The following AHDC1 variants were observed in gnomAD, a reference collection of about 807,000 sequenced individuals.
AHDC1 encodes AT-hook DNA binding motif containing 1, also known as transcription factor Gibbin.
AHDC1 carries 7 observed loss-of-function variants against 87.9 expected under a neutral mutation model. The ratio of observed to expected loss-of-function variants is 0.08; its 90% CI spans 0.05 to 0.15. AHDC1 has a LOEUF of 0.15. Among genes scored for constraint, AHDC1 ranks in the 10% least tolerant of loss-of-function variants. The pLI is 1.00. For synonymous variants in AHDC1, 1,051 were observed against 1,006.8 expected (o/e 1.04, Z -0.83); for missense variants, 1,841 against 2,253.2 (o/e 0.82, Z 3.70).
At chr1:27,597,759 TTCTCCCTCCC>T (rs977133730) in intron 3 of AHDC1, among the ~76,000 whole-genome samples, 2 of 152,032 alleles carry the variant, frequency 1.3e-5, no homozygotes, top group Non-Finnish European at 2.9e-5. Context: ...GCCTGCAGTC[TTCTCCCTCCC>T]TCTCCCTCCC....
intron 3 of AHDC1, among the ~76,000 whole-genome samples, chr1:27,587,320 T>C (rs2089087018): frequency 6.6e-6 from 1 of 152,212 alleles, no homozygotes; most frequent in Non-Finnish European, 1.5e-5. Context: ...CTCAGTTCCA[T>C]GCTGCCCTCT....
At chr1:27,566,452 G>T (rs116486332) in intron 3 of AHDC1, among the ~76,000 whole-genome samples, 2 of 151,988 alleles carry the variant, frequency 1.3e-5, no homozygotes, top group East Asian at 1.9e-4. Flanking sequence ...ACACGCACAG[G>T]GGGGAAGAGA....
In AHDC1 at chr1:27,551,001, C is replaced by G. The variant is rs766911404; in HGVS notation, c.1115G>C (p.Gly372Ala). ...GGGGTGACCCTCAGGCCCGGGGGGG[C>G]CGTGCGGTGAGCACAAGTCCAGGCG... ...PLRLDLCSPH[G>A]PPGPEGHPKY... The change falls in exon 8 of 9, where the codon GGC becomes GCC. Residue 372 changes from glycine (G) to alanine (A), a missense_variant. Physicochemically the swap from Gly to Ala is moderately conservative, Grantham distance 60. Transcript: ENST00000673934. The G allele has an allele frequency of 6.4e-6, 10 of 1,572,670 alleles. No individual in the cohort carries two copies. The highest frequency in any genetic ancestry group is 1.8e-5 in the Admixed American group (1 of 55,214).
At chr1:27,574,056 C>T (rs946674431) in intron 3 of AHDC1, among the ~76,000 whole-genome samples, 3 of 152,120 alleles carry the variant, frequency 2.0e-5, no homozygotes, top group African/African-American at 7.2e-5. Flanking sequence ...GGAGGAACCC[C>T]GAGGCATCTG....
intron 8 of AHDC1, among the ~76,000 whole-genome samples, chr1:27,542,936 G>A (rs1469760406): frequency 6.6e-6 from 1 of 152,222 alleles, no homozygotes; most frequent in South Asian, 2.1e-4. Context: ...GCCCAGAAGA[G>A]TCAGGGCAGG....
intron 3 of AHDC1, among the ~76,000 whole-genome samples, chr1:27,597,211 G>A (rs758925165): frequency 1.3e-5 from 2 of 152,164 alleles, no homozygotes; most frequent in Non-Finnish European, 2.9e-5. Flanking sequence ...TATGTAGGAG[G>A]GTGTCCCATG....
intron 3 of AHDC1, among the ~76,000 whole-genome samples, chr1:27,597,488 AAG>A (rs2089410038): frequency 6.6e-6 from 1 of 152,120 alleles, no homozygotes; most frequent in African/African-American, 2.4e-5. Context: ...TTCCCAAGAC[AAG>A]AGAGGTGCAC....
At chr1:27,585,959 C>T (rs2089043122) in intron 3 of AHDC1, among the ~76,000 whole-genome samples, 1 of 152,206 alleles carries the variant, frequency 6.6e-6, no homozygotes, top group Admixed American at 6.5e-5. Context: ...TAATGAATAA[C>T]TGAAATCATA....
chr1:27,583,485 CG>C (rs2088965772), intron 3 of AHDC1, among the ~76,000 whole-genome samples: 1 of 152,166 alleles, frequency 6.6e-6, no homozygotes, highest in African/African-American at 2.4e-5. Context: ...AAAACCCACT[CG>C]GGGAGTGTAT....
Position 27,558,620 on chromosome 1 carries a change from C to T in AHDC1, c.-451+86G>A. On this transcript the variant is annotated intron_variant, in intron 4 of 8. Coordinates refer to ENST00000673934, the MANE Select transcript of AHDC1 (RefSeq NM_001371928.1). This position sits in a 1 kb window ranked among gnomAD's most constrained non-coding sequence, Gnocchi z 5.6. ...TTTGACCTAAGCTGGGAGGGGATCCCTGTTGGGACTGGGAGGCAAGTTCCC... is the reference window on the plus strand; with the variant it reads ...TTTGACCTAAGCTGGGAGGGGATCCTTGTTGGGACTGGGAGGCAAGTTCCC... 1 of 397,946 alleles carries T rather than the reference C, an allele frequency of 2.5e-6. No homozygotes were observed. Among genetic ancestry groups the T allele is most frequent in the Non-Finnish European group, 4.4e-6 (1 of 225,988 alleles). The allele number at this position is 397,946 out of a possible 1,614,324, so 24.7% of individuals were successfully genotyped here.
In AHDC1 at chr1:27,550,236, T is replaced by C; in HGVS notation, c.1880A>G (p.Gln627Arg). ...GGGCGGTGAGCACCGTCCAGCGCACTGGCTCTGGCGGTTCAGGAAGGCCAG... is the reference window on the plus strand; with the variant it reads ...GGGCGGTGAGCACCGTCCAGCGCACCGGCTCTGGCGGTTCAGGAAGGCCAG... ...AKLAFLNRQS[Q>R]CAGRCSPPRC... The change falls in exon 8 of 9, where the codon CAG (glutamine) becomes CGG (arginine). Residue 627 changes from glutamine to arginine, a missense_variant. By Grantham distance (43) the Gln-to-Arg change is conservative (BLOSUM62 1). Coordinates refer to ENST00000673934, the MANE Select transcript of AHDC1 (RefSeq NM_001371928.1). 6.2e-7 allele frequency: 1 copy of C among 1,613,746 alleles called. No homozygotes were observed. The highest frequency in any genetic ancestry group is 1.1e-5 in the South Asian group (1 of 91,082).
chr1:27,549,231 G>A lies in AHDC1; in HGVS notation c.2885C>T (p.Pro962Leu), dbSNP rs533069538. 7.9e-5 allele frequency: 127 copies of A among 1,604,554 alleles called. No homozygotes were observed. The highest frequency in any genetic ancestry group is 8.9e-5 in the Non-Finnish European group (104 of 1,174,904). ...CTGGGGCAGGTAGGTGTTGGCAGGC[G>A]GGTGGGTGGTAGGTGAGCGGGCCAT... ...SAMARSPTTH[P>L]PANTYLPQYG... is the part of the protein sequence containing the mutation. The change falls in exon 8 of 9, where the codon CCG (proline) becomes CTG (leucine). Residue 962 changes from proline (P) to leucine (L), a missense_variant. By Grantham distance (98) the Pro-to-Leu change is moderately conservative (BLOSUM62 -3). Coordinates refer to ENST00000673934, the MANE Select transcript of AHDC1 (RefSeq NM_001371928.1).
Position 27,547,655 on chromosome 1 carries a change from C to A in AHDC1, c.4461G>T (p.Leu1487=). ...PPYEGKVGTG[L]LADFLGRTEA... ...CCGTCCTGCCCAGGAAGTCAGCCAG[C>A]AGCCCTGTACCCACCTTGCCTTCAT... The change falls in exon 8 of 9, where the codon CTG becomes CTT. Residue 1487 remains leucine, a synonymous_variant. Transcript: ENST00000673934. This position sits in a 1 kb window ranked among gnomAD's most constrained non-coding sequence, Gnocchi z 4.9. 6.3e-7 allele frequency: 1 copy of A among 1,596,616 alleles called. No individual in the cohort carries two copies. The highest frequency in any genetic ancestry group is 1.1e-5 in the South Asian group (1 of 89,326).
At chr1:27,581,625 T>G (rs1445905637) in intron 3 of AHDC1, among the ~76,000 whole-genome samples, 2 of 152,228 alleles carry the variant, frequency 1.3e-5, no homozygotes, top group East Asian at 3.9e-4. Flanking sequence ...TACTTGGCCA[T>G]GACAGCTTCC....
intron 2 of AHDC1, 93 bp downstream of exon 2, chr1:27,603,635 C>T: frequency 6.7e-6 from 1 of 149,064 alleles, no homozygotes; most frequent in East Asian, 2.1e-4. Flanking sequence ...CTCGATCACT[C>T]CTTCGCTCTC....
At chr1:27,567,525 A>G (rs1347706354) in intron 3 of AHDC1, among the ~76,000 whole-genome samples, 39 of 151,980 alleles carry the variant, frequency 2.6e-4, no homozygotes, top group Middle Eastern at 3.4e-3. Flanking sequence ...GCCTGGCCCC[A>G]TCCCTGGGGC....
In AHDC1 at chr1:27,534,695, T is replaced by C. The variant is rs1477389778; in HGVS notation, c.*265A>G. The C allele has an allele frequency of 1.3e-5, 2 of 152,428 alleles. No individual in the cohort carries two copies. The highest frequency in any genetic ancestry group is 4.8e-5 in the African/African-American group (2 of 41,350). 9.4% of individuals were successfully genotyped at this position (152,428 alleles called of 1,614,324 possible). A position where few individuals can be genotyped will look rare whatever the true frequency, so the allele number is the denominator to read the frequency against. ...TTTGTCTTTTTCTAAAACTGTGTTT[T>C]GTTTTTAAGTTTTGTACATTTTTAA... On this transcript the variant is annotated 3_prime_UTR_variant, in exon 9 of 9. Transcript: ENST00000673934.
At chr1:27,537,444 A>G (rs1487374541) in intron 8 of AHDC1, among the ~76,000 whole-genome samples, 1 of 152,156 alleles carries the variant, frequency 6.6e-6, no homozygotes, top group Non-Finnish European at 1.5e-5. Flanking sequence ...GTGGCTCTTC[A>G]ACCACTGCTG....
In AHDC1 at chr1:27,548,490, T is replaced by C. The variant is rs757589392; in HGVS notation, c.3626A>G (p.Asn1209Ser). 52 of 1,613,822 alleles carry C rather than the reference T, an allele frequency of 3.2e-5. No individual in the cohort carries two copies. The South Asian group carries it at 4.6e-4, about 14-fold the overall frequency. Reference sequence around the variant, plus strand: ...GTAGCCGGGGGCAGATGATGCCTCGTTCCAGTCCATCATCAGTTTCTCCAG... The same window carrying C: ...GTAGCCGGGGGCAGATGATGCCTCGCTCCAGTCCATCATCAGTTTCTCCAG... The part of the protein sequence containing the change: ...SSLEKLMMDW[N>S]EASSAPGYNW... Residue 1209 changes from asparagine (N) to serine (S), a missense_variant, in exon 8 of 9, where the codon AAC (asparagine) becomes AGC (serine). By Grantham distance (46) the Asn-to-Ser change is conservative. This residue lies in a region of AHDC1 where 505 missense variants were observed against 626.2 expected (regional missense o/e 0.81). Transcript: ENST00000673934.
Sources: allele counts gnomAD v4.1 joint callset (sites outside exome capture counted in the v4.1 genomes callset), GRCh38; gene constraint gnomAD v4.1.1; regional missense constraint gnomAD v4.1.1; non-coding constraint Gnocchi (gnomAD v3.1); transcripts MANE v1.5; gene names NCBI Gene and HGNC (gene_info 2026-07-23, HGNC 2026-07-21).